The following SWAP70 variants were observed in gnomAD, a reference collection of about 807,000 sequenced individuals.
SWAP70 encodes switch-associated protein 70.
Under a neutral mutation model 80.2 loss-of-function variants are expected in SWAP70, and 34 were observed. That is an observed-to-expected ratio of 0.42 (90% CI 0.32 to 0.56). The LOEUF is 0.56. Ranked by LOEUF, SWAP70 falls within the 20% of genes least tolerant of loss-of-function variation. The pLI is 0.09. For synonymous variants in SWAP70, 239 were observed against 238.5 expected (o/e 1.00, Z -0.02); for missense variants, 578 against 690.7 (o/e 0.84, Z 1.83).
chr11:9,696,816 C>G (rs953119515), intron 2 of SWAP70, among the ~76,000 whole-genome samples: 1 of 152,216 alleles, frequency 6.6e-6, no homozygotes, highest in East Asian at 1.9e-4. Flanking sequence ...GTTTTAAATT[C>G]TTACTATTTT....
intron 1 of SWAP70, among the ~76,000 whole-genome samples, chr11:9,671,542 A>ATATATAGAAATATATATAAATATATT (rs1393447225): frequency 1.2e-5 from 1 of 83,834 alleles, no homozygotes; most frequent in East Asian, 3.3e-4. Context: ...ATATATAGAA[A>ATATATAGAAATATATATAAATATATT]TATATAGAAA....
chr11:9,675,342 G>A (rs12279554), intron 1 of SWAP70, among the ~76,000 whole-genome samples: 1,083 of 11,750 alleles, frequency 0.092, 116 homozygotes, highest in South Asian at 0.21. Flanking sequence ...AGAGAGAGAG[G>A]GAGCGAGAGA....
chr11:9,713,845 T>G (rs1370620163), intron 3 of SWAP70, among the ~76,000 whole-genome samples: 2 of 152,198 alleles, frequency 1.3e-5, no homozygotes, highest in African/African-American at 4.8e-5. Flanking sequence ...ACAGGGAAAG[T>G]GGGTTTCTTC....
At chr11:9,669,559 A>G (rs1850348655) in intron 1 of SWAP70, among the ~76,000 whole-genome samples, 1 of 152,096 alleles carries the variant, frequency 6.6e-6, no homozygotes, top group Non-Finnish European at 1.5e-5. Flanking sequence ...ATAGTTATTG[A>G]TTGCTGTTAT....
chr11:9,718,906 C>T (rs1335235974), intron 3 of SWAP70, among the ~76,000 whole-genome samples: 1 of 151,716 alleles, frequency 6.6e-6, no homozygotes, highest in African/African-American at 2.4e-5. Flanking sequence ...TTGAGACCAG[C>T]CTGGGCAACA....
intron 1 of SWAP70, among the ~76,000 whole-genome samples, chr11:9,673,828 G>T (rs1196540373): frequency 6.6e-6 from 1 of 151,992 alleles, no homozygotes; most frequent in Non-Finnish European, 1.5e-5. Flanking sequence ...AAAGGAGCAG[G>T]CGAAAAAAGG....
intron 2 of SWAP70, among the ~76,000 whole-genome samples, chr11:9,701,466 C>T (rs1263060494): frequency 6.6e-6 from 1 of 151,914 alleles, no homozygotes; most frequent in Non-Finnish European, 1.5e-5. Flanking sequence ...GCCACTGTGC[C>T]CGGCCCCAAA....
chr11:9,705,093 A>G (rs1242992537), intron 2 of SWAP70, among the ~76,000 whole-genome samples: 1 of 137,340 alleles, frequency 7.3e-6, no homozygotes, highest in African/African-American at 3.2e-5. Flanking sequence ...TGCACTGGTG[A>G]TATGTATATA....
intron 1 of SWAP70, among the ~76,000 whole-genome samples, chr11:9,672,769 C>T (rs947697688): frequency 1.3e-5 from 2 of 151,454 alleles, no homozygotes; most frequent in African/African-American, 4.8e-5. Context: ...TTGAGGGCCC[C>T]CAGTGTAGTA....
chr11:9,732,504 T>A (rs199904405), intron 6 of SWAP70, 25 bp from the exon 7 acceptor site: 1 of 1,584,836 alleles, frequency 6.3e-7, no homozygotes, highest in Non-Finnish European at 8.6e-7. Context: ...TCCCCATTTT[T>A]TTTTTCCTCC....
chr11:9,740,150 G>C, intron 8 of SWAP70, 31 bp from the exon 9 acceptor site: 1 of 1,602,732 alleles, frequency 6.2e-7, no homozygotes, highest in Non-Finnish European at 8.5e-7. Context: ...AAGTCAACCT[G>C]CATTTAAACA....
chr11:9,738,069 G>T, intron 7 of SWAP70, 144 bp from the exon 8 acceptor site: 1 of 471,296 alleles, frequency 2.1e-6, no homozygotes. Flanking sequence ...AATTCTAATG[G>T]AGCTAAAAGT....
chr11:9,727,612 A>G (rs1480714507), intron 4 of SWAP70, among the ~76,000 whole-genome samples: 1 of 152,196 alleles, frequency 6.6e-6, no homozygotes, highest in East Asian at 1.9e-4. Context: ...GAACTCCCAC[A>G]TATGCATCAA....
At chr11:9,669,668 A>G (rs149106839) in intron 1 of SWAP70, among the ~76,000 whole-genome samples, 39 of 152,240 alleles carry the variant, frequency 2.6e-4, no homozygotes, top group Admixed American at 1.1e-3. Flanking sequence ...GAACATACAC[A>G]TATGTGTTCC....
intron 1 of SWAP70, among the ~76,000 whole-genome samples, chr11:9,667,015 G>C (rs1850315450): frequency 6.6e-6 from 1 of 151,902 alleles, no homozygotes; most frequent in African/African-American, 2.4e-5. Context: ...CCGCTGCCAT[G>C]CCTGACTAAT....
At chr11:9,746,478 C>T (rs913179187) in intron 9 of SWAP70, among the ~76,000 whole-genome samples, 1 of 152,240 alleles carries the variant, frequency 6.6e-6, no homozygotes, top group African/African-American at 2.4e-5. Flanking sequence ...AGTGAATAAA[C>T]TCTGCACTGG....
intron 1 of SWAP70, among the ~76,000 whole-genome samples, chr11:9,683,415 CA>C (rs200211231): frequency 5.5e-5 from 8 of 145,290 alleles, no homozygotes; most frequent in East Asian, 2.0e-4. Context: ...GACCCTGTCT[CA>C]AAAAAAAAGA....
chr11:9,732,794 C>A, intron 7 of SWAP70, 84 bp downstream of exon 7: 2 of 1,314,850 alleles, frequency 1.5e-6, no homozygotes, highest in Non-Finnish European at 2.1e-6. Context: ...TTGGTTCTAC[C>A]AAGATGAATG....
intron 9 of SWAP70, chr11:9,740,988 C>G (rs905429783): frequency 1.9e-5 from 3 of 154,934 alleles, no homozygotes; most frequent in Non-Finnish European, 4.3e-5. Context: ...TTGAGCCTAT[C>G]CTCTGCCAGT....
Sources: allele counts gnomAD v4.1 joint callset (sites outside exome capture counted in the v4.1 genomes callset), GRCh38; gene constraint gnomAD v4.1.1; transcripts MANE v1.5; gene names NCBI Gene and HGNC (gene_info 2026-07-23, HGNC 2026-07-21).